The following UNC93B1 variants were observed in gnomAD, a reference collection of about 807,000 sequenced individuals.
UNC93B1 encodes unc-93B1 regulator of TLR signaling.
UNC93B1 carries 33 observed loss-of-function variants against 56.8 expected under a neutral mutation model. The observed-to-expected ratio is 0.58, with a 90% CI of 0.44 to 0.78. The LOEUF (loss-of-function observed/expected upper bound fraction) is 0.78, where lower values mean the gene tolerates loss of function less well. Among genes scored for constraint, UNC93B1 ranks in the 30% least tolerant of loss-of-function variants. The pLI, the probability that UNC93B1 is intolerant of heterozygous loss-of-function variation, is 0.00. For missense variants in UNC93B1, 673 were observed against 819.5 expected (o/e 0.82, Z 2.18); for synonymous variants, 334 against 358.6 (o/e 0.93, Z 0.77).
At position 67,999,317 on chromosome 11, in the gene UNC93B1, A is replaced by G; in HGVS notation, c.555-12T>C. ...ACTTCTGCGCCATCCTGGACCACAA[A>G]GGAGAGAAGGCTCTCCCCAGCCCGA... is the stretch of plus-strand genomic sequence containing the variant. On this transcript the variant is annotated splice_polypyrimidine_tract_variant and intron_variant, in intron 4 of 10. Coordinates refer to ENST00000227471, the MANE Select transcript of UNC93B1 (RefSeq NM_030930.4). 3 of 1,608,500 alleles carry G rather than the reference A, an allele frequency of 1.9e-6. No homozygotes were observed. The African/African-American group carries it at 4.0e-5, about 21-fold the overall frequency.
intron 3 of UNC93B1, among the ~76,000 whole-genome samples, chr11:68,002,617 A>G (rs1465269370): frequency 6.6e-6 from 1 of 152,122 alleles, no homozygotes; most frequent in Non-Finnish European, 1.5e-5. Context: ...ACACCCCCTC[A>G]GCACCAGTCA....
At chr11:68,002,238 G>A (rs1265193134) in intron 3 of UNC93B1, among the ~76,000 whole-genome samples, 8 of 145,994 alleles carry the variant, frequency 5.5e-5, no homozygotes, top group African/African-American at 1.8e-4. Flanking sequence ...GTCCACACAC[G>A]TGCTCTGGGG....
intron 5 of UNC93B1, 102 bp downstream of exon 5, chr11:67,999,071 A>C: frequency 2.6e-6 from 4 of 1,521,600 alleles, no homozygotes; most frequent in Non-Finnish European, 3.5e-6. Flanking sequence ...AAAAATAACA[A>C]TAATAAAAGA....
intron 3 of UNC93B1, among the ~76,000 whole-genome samples, chr11:68,001,694 A>T (rs972425076): frequency 3.5e-5 from 4 of 115,336 alleles, no homozygotes; most frequent in South Asian, 2.7e-4. Context: ...ACATAATTTA[A>T]AAAAAAAAAA....
intron 4 of UNC93B1, 83 bp from the exon 5 acceptor site, chr11:67,999,388 C>G: frequency 6.4e-7 from 1 of 1,553,166 alleles, no homozygotes; most frequent in East Asian, 2.4e-5. Context: ...AGGAGCAGAC[C>G]AGCCCCGGTG....
Position 68,004,066 on chromosome 11 carries a change from C to T in UNC93B1, c.-23G>A. ...CATGGCCCGAACTACTGCGGACTCGCGGCGGTCGCCCCGGAGTCCCTGCGA... is the reference window on the plus strand; with the variant it reads ...CATGGCCCGAACTACTGCGGACTCGTGGCGGTCGCCCCGGAGTCCCTGCGA... On this transcript the variant is annotated 5_prime_UTR_variant, in exon 1 of 11. Coordinates refer to ENST00000227471, the MANE Select transcript of UNC93B1 (RefSeq NM_030930.4). 7.5e-7 allele frequency: 1 copy of T among 1,326,686 alleles called. No homozygotes were observed. The highest frequency in any genetic ancestry group is 9.6e-7 in the Non-Finnish European group (1 of 1,036,326). The allele number at this position is 1,326,686 out of a possible 1,614,324, so 82.2% of individuals were successfully genotyped here.
rs1407855614 is a variant in UNC93B1, at chr11:68,004,011, C to A, written c.33G>T (p.Ala11=). ...CGTCGCCCTGCGGCCCCGCAGCCCC[C>A]GCCATCGGGTAGAGCGGCGGCTCCG... MEAEPPLYPM[A]GAAGPQGDED... The change falls in exon 1 of 11, where the codon GCG becomes GCT. Residue 11 remains alanine (A), a synonymous_variant. Coordinates refer to ENST00000227471, the MANE Select transcript of UNC93B1 (RefSeq NM_030930.4). 1 of 1,403,476 alleles carries A rather than the reference C, an allele frequency of 7.1e-7. No individual in the cohort carries two copies. 86.9% of individuals were successfully genotyped at this position (1,403,476 alleles called of 1,614,324 possible).
chr11:68,000,931 G>A (rs538236933), intron 3 of UNC93B1, among the ~76,000 whole-genome samples: 5 of 151,650 alleles, frequency 3.3e-5, no homozygotes, highest in East Asian at 3.9e-4. Context: ...GTGGTGGCTC[G>A]TGCCTGTAAT....
rs1007022287 is a variant in UNC93B1 at position 67,991,649 on chromosome 11, GCCT to G, written c.1688_1690del (p.Glu563del). The stretch of plus-strand genomic sequence containing the variant: ...GCCAGGCCTGGGCCCTGCGGGCGGC[GCCT>G]CCTCCTCCGCGCCGTCCCCATGCTC... On this transcript the variant is annotated inframe_deletion, in exon 11 of 11. Transcript: ENST00000227471. 1.3e-6 allele frequency: 2 copies of G among 1,524,114 alleles called. No homozygotes were observed. The highest frequency in any genetic ancestry group is 2.0e-5 in the Admixed American group (1 of 49,906). 94.4% of individuals were successfully genotyped at this position (1,524,114 alleles called of 1,614,324 possible).
intron 10 of UNC93B1, among the ~76,000 whole-genome samples, chr11:67,992,743 CA>C (rs1234261521): frequency 6.7e-6 from 1 of 150,130 alleles, no homozygotes; most frequent in Non-Finnish European, 1.5e-5. Context: ...TGGCTCACTG[CA>C]ACCTCCATCT....
chr11:67,993,195 G>A (rs1182196119), intron 10 of UNC93B1, among the ~76,000 whole-genome samples: 1 of 151,930 alleles, frequency 6.6e-6, no homozygotes, highest in Non-Finnish European at 1.5e-5. Context: ...CACCATGTCG[G>A]TCAGGCTGGT....
intron 8 of UNC93B1, among the ~76,000 whole-genome samples, chr11:67,996,131 C>T (rs115111124): frequency 0.02 from 2,942 of 150,584 alleles, 78 homozygotes; most frequent in South Asian, 0.066. Flanking sequence ...GGTGCCTTAC[C>T]CCCCTGCGAT....
chr11:67,999,396 G>A, intron 4 of UNC93B1, 91 bp from the exon 5 acceptor site: 2 of 1,551,280 alleles, frequency 1.3e-6, no homozygotes, highest in South Asian at 1.2e-5. Context: ...ACCAGCCCCG[G>A]TGTGGGGAAA....
rs1462980042 is a variant in UNC93B1 at position 68,003,873 on chromosome 11, G to GCCCGC, written c.96+70_96+74dup. ...GTCCCCCGGTGCCCGCCGCCCCCCG[G>GCCCGC]CCCGCCCCGCCCCCGCCGGGGGGAC... is the stretch of plus-strand genomic sequence containing the variant. On this transcript the variant is annotated intron_variant, in intron 1 of 10. Coordinates refer to ENST00000227471, the MANE Select transcript of UNC93B1 (RefSeq NM_030930.4). This position sits in a 1 kb window ranked among gnomAD's most constrained non-coding sequence, Gnocchi z 4.4. 3.1e-6 allele frequency: 4 copies of GCCCGC among 1,281,072 alleles called. No individual in the cohort carries two copies. The highest frequency in any genetic ancestry group is 2.9e-6 in the Non-Finnish European group (3 of 1,020,250). The allele number at this position is 1,281,072 out of a possible 1,614,324, so 79.4% of individuals were successfully genotyped here.
At chr11:68,002,967 T>C (rs1024882329) in intron 3 of UNC93B1, 55 bp downstream of exon 3, 19 of 1,545,748 alleles carry the variant, frequency 1.2e-5, no homozygotes, top group Admixed American at 3.9e-5. Flanking sequence ...CGCCGGCCTC[T>C]GTACCCCTCC....
At position 67,993,913 on chromosome 11, in the gene UNC93B1, G is replaced by A. The variant is rs138185695; in HGVS notation, c.1364-119C>T. ...ATGGGTCCCAGCCCCGGACCAGAGAGCGCCTAGAAAGTGCTGTGAGGCGGT... is the reference window on the plus strand; with the variant it reads ...ATGGGTCCCAGCCCCGGACCAGAGAACGCCTAGAAAGTGCTGTGAGGCGGT... On this transcript the variant is annotated intron_variant, in intron 9 of 10. Transcript: ENST00000227471. The A allele has an allele frequency of 8.9e-3, 6,811 of 765,650 alleles. 39 individuals carry two copies. Among genetic ancestry groups the A allele is most frequent in the Middle Eastern group, 0.015 (43 of 2,844 alleles). The allele number at this position is 765,650 out of a possible 1,614,324, so 47.4% of individuals were successfully genotyped here.
chr11:67,997,427 C>T, intron 7 of UNC93B1: 1 of 584,234 alleles, frequency 1.7e-6, no homozygotes, highest in Non-Finnish European at 3.0e-6. Context: ...TTCCCTCCTT[C>T]CCCTGGCCTC....
At chr11:67,996,054 C>A (rs1856941835) in intron 8 of UNC93B1, 170 bp from the exon 9 acceptor site, 7 of 453,128 alleles carry the variant, frequency 1.5e-5, no homozygotes, top group Non-Finnish European at 2.6e-5. Flanking sequence ...CCTCACCCCC[C>A]TGCGATGGGG....
In UNC93B1 at chr11:67,995,778, A is replaced by G; in HGVS notation, c.1196T>C (p.Leu399Pro). ...GGCCACCAGGGGCACCGGGCGTGGCAGCCACAGGCCCAGCAGGCCCAGGAG... is the reference window on the plus strand; with the variant it reads ...GGCCACCAGGGGCACCGGGCGTGGCGGCCACAGGCCCAGCAGGCCCAGGAG... Reference protein sequence around the residue: ...ASLLGLLGLWLPRPVPLVAGA... With the variant: ...ASLLGLLGLWPPRPVPLVAGA... Residue 399 changes from leucine to proline, a missense_variant, in exon 9 of 11, where the codon CTG becomes CCG. By Grantham distance (98) the Leu-to-Pro change is moderately conservative (BLOSUM62 -3). Around this residue, in one of 3 missense-constraint regions of UNC93B1, gnomAD observed 155 missense variants for 268.3 expected, o/e 0.58. Coordinates refer to ENST00000227471, the MANE Select transcript of UNC93B1 (RefSeq NM_030930.4). The G allele has an allele frequency of 6.5e-7, 1 of 1,548,192 alleles. No individual in the cohort carries two copies. The highest frequency in any genetic ancestry group is 8.7e-7 in the Non-Finnish European group (1 of 1,146,784).
Sources: gnomAD v4.1 joint callset for allele counts (sites outside exome capture counted in the v4.1 genomes callset) on GRCh38, gnomAD v4.1.1 for gene constraint, gnomAD v4.1.1 regional missense constraint, Gnocchi (gnomAD v3.1) non-coding constraint, MANE v1.5 for transcripts, NCBI Gene and HGNC (gene_info 2026-07-23, HGNC 2026-07-21) for gene names.